The following ADGRB1 variants were observed in gnomAD, a reference collection of about 807,000 sequenced individuals.
ADGRB1 encodes adhesion G protein-coupled receptor B1, also known as brain-specific angiogenesis inhibitor 1.
Under a neutral mutation model 175.7 loss-of-function variants are expected in ADGRB1, and 36 were observed. That is an observed-to-expected ratio of 0.20 (90% CI 0.16 to 0.27). The LOEUF (loss-of-function observed/expected upper bound fraction) is 0.27. Among genes scored for constraint, ADGRB1 ranks in the 10% least tolerant of loss-of-function variants. The pLI, the probability that ADGRB1 is intolerant of heterozygous loss-of-function variation, is 1.00. For missense variants in ADGRB1, 1,731 were observed against 2,255.3 expected, an observed-to-expected ratio of 0.77 and a Z score of 4.71; for synonymous variants, 1,054 against 979.4, an observed-to-expected ratio of 1.08 and a Z score of -1.42.
At chr8:142,535,971 C>A (rs929650149) in intron 25 of ADGRB1, among the ~76,000 whole-genome samples, 2 of 152,176 alleles carry the variant, frequency 1.3e-5, no homozygotes, top group Non-Finnish European at 2.9e-5. Flanking sequence ...GGACAATTCT[C>A]TCGCCCGCTT....
intron 17 of ADGRB1, among the ~76,000 whole-genome samples, chr8:142,500,623 C>A (rs891944979): frequency 6.6e-6 from 1 of 151,960 alleles, no homozygotes; most frequent in African/African-American, 2.4e-5. Flanking sequence ...TTCATCAAAG[C>A]CCCACCTTCC....
At chr8:142,490,361 G>C (rs1170077053) in intron 16 of ADGRB1, among the ~76,000 whole-genome samples, 4 of 152,206 alleles carry the variant, frequency 2.6e-5, no homozygotes, top group African/African-American at 9.6e-5. Context: ...TGTGTCCCAG[G>C]AATGCTAGCA....
intron 19 of ADGRB1, among the ~76,000 whole-genome samples, chr8:142,518,956 C>T (rs906113884): frequency 6.6e-6 from 1 of 152,180 alleles, no homozygotes; most frequent in African/African-American, 2.4e-5. Flanking sequence ...GAACTGACTG[C>T]CTGTCTGCTG....
intron 2 of ADGRB1, among the ~76,000 whole-genome samples, chr8:142,468,974 C>CA (rs1840432200): frequency 6.6e-6 from 1 of 152,172 alleles, no homozygotes; most frequent in Admixed American, 6.5e-5. Flanking sequence ...AGCAGGCACT[C>CA]AGTCAGTCCA....
chr8:142,535,534 G>T (rs1844873843), intron 25 of ADGRB1, among the ~76,000 whole-genome samples: 1 of 152,204 alleles, frequency 6.6e-6, no homozygotes, highest in African/African-American at 2.4e-5. Context: ...CAGCCTCGGG[G>T]GTGGTGGCCA....
rs746417348 is a variant in ADGRB1, at chr8:142,518,176, C to T, written c.2856C>T (p.Ile952=). 1.7e-5 allele frequency: 27 copies of T among 1,613,694 alleles called. No individual in the cohort carries two copies. Among genetic ancestry groups the T allele is most frequent in the Admixed American group, 1.2e-4 (7 of 59,998 alleles). The change falls in exon 19 of 31, where the codon ATC becomes ATT. Residue 952 remains isoleucine, a synonymous_variant. Coordinates refer to ENST00000517894, the MANE Select transcript of ADGRB1 (RefSeq NM_001702.3). Reference sequence around the variant, plus strand: ...CGACTCTGCCGTCGGTGACGCTCATCGTGGGCTGTGGCGTGTCCTCTCTCA... The same window carrying T: ...CGACTCTGCCGTCGGTGACGCTCATTGTGGGCTGTGGCGTGTCCTCTCTCA... The part of the protein sequence containing the change: ...EKATLPSVTL[I]VGCGVSSLTL...
At chr8:142,471,533 C>T (rs969466167) in intron 2 of ADGRB1, among the ~76,000 whole-genome samples, 3 of 152,230 alleles carry the variant, frequency 2.0e-5, no homozygotes, top group African/African-American at 4.8e-5. Flanking sequence ...AAGGAAGCAA[C>T]AAGACTCGGC....
intron 24 of ADGRB1, among the ~76,000 whole-genome samples, chr8:142,531,859 CTG>C (rs1297124011): frequency 6.6e-6 from 1 of 152,156 alleles, no homozygotes; most frequent in Non-Finnish European, 1.5e-5. Flanking sequence ...CTGGCTGTGC[CTG>C]CTGAGAGGTC....
Position 142,489,369 on chromosome 8 carries a change from C to A in ADGRB1, c.2562C>A (p.Ser854=), listed in dbSNP as rs374535810. The A allele has an allele frequency of 1.2e-5, 19 of 1,612,960 alleles. No individual in the cohort carries two copies. Among genetic ancestry groups the A allele is most frequent in the Non-Finnish European group, 1.5e-5 (18 of 1,179,828 alleles). ...CCGTCCTGAATTCTAAGGTGATCTC[C>A]GTGACTGTGAAACCCCCGCCTCGCT... ...NTTVLNSKVI[S]VTVKPPPRSL... The change falls in exon 16 of 31, where the codon TCC becomes TCA. Residue 854 remains serine, a synonymous_variant. Coordinates refer to ENST00000517894, the MANE Select transcript of ADGRB1 (RefSeq NM_001702.3).
At chr8:142,472,310 T>G (rs1326095517) in intron 2 of ADGRB1, among the ~76,000 whole-genome samples, 1 of 152,204 alleles carries the variant, frequency 6.6e-6, no homozygotes, top group Admixed American at 6.5e-5. Flanking sequence ...GTGGCCAGGC[T>G]GCCTGGGGCC....
chr8:142,511,522 C>A lies in ADGRB1; in HGVS notation c.2817+449C>A, dbSNP rs777011415. 3.7e-4 allele frequency among the ~76,000 whole-genome samples: 57 copies of A among 152,184 alleles called. No individual in the cohort carries two copies. The highest frequency in any genetic ancestry group is 7.4e-4 in the Non-Finnish European group (50 of 67,998). On this transcript the variant is annotated intron_variant, in intron 18 of 30. Coordinates refer to ENST00000517894, the MANE Select transcript of ADGRB1 (RefSeq NM_001702.3). This position sits in a 1 kb window ranked among gnomAD's most constrained non-coding sequence, Gnocchi z 4.5. ...CCTTGGCAGAGCCCTTCGACCCACC[C>A]CAAGTAGAGCCTGGTCCGTGGAGGA...
intron 11 of ADGRB1, among the ~76,000 whole-genome samples, chr8:142,483,379 ACCC>A (rs1841481958): frequency 1.1e-5 from 1 of 92,038 alleles, no homozygotes; most frequent in African/African-American, 6.1e-5. Flanking sequence ...CTGAGCCCTG[ACCC>A]TGGTCACACC....
chr8:142,483,896 C>A, intron 11 of ADGRB1, 81 bp from the exon 12 acceptor site: 1 of 1,482,604 alleles, frequency 6.7e-7, no homozygotes, highest in Non-Finnish European at 9.4e-7. Flanking sequence ...TGGTCACACA[C>A]TGAATCCTGA....
chr8:142,523,044 G>A (rs1007155965), intron 22 of ADGRB1, among the ~76,000 whole-genome samples: 6 of 152,262 alleles, frequency 3.9e-5, no homozygotes, highest in African/African-American at 1.2e-4. Context: ...TCTGTACGGT[G>A]CTGGTGAGAG....
chr8:142,522,882 C>G (rs1843933990), intron 22 of ADGRB1, among the ~76,000 whole-genome samples, 172 bp downstream of exon 22: 1 of 152,214 alleles, frequency 6.6e-6, no homozygotes. Context: ...CTTGGGCATC[C>G]CCTCCCTGTT....
At position 142,537,154 on chromosome 8, in the gene ADGRB1, C is replaced by G; in HGVS notation, c.3666+72C>G. On this transcript the variant is annotated intron_variant, in intron 26 of 30. Coordinates refer to ENST00000517894, the MANE Select transcript of ADGRB1 (RefSeq NM_001702.3). The surrounding 1 kb of genome is among the most constrained non-coding windows in gnomAD (Gnocchi z 4.6). ...CCCCCGCCAAGTGCCTCCAGGCCCT[C>G]ACCGTGCCCCAAGCTCCCCTAGGCC... 1 of 1,214,088 alleles carries G rather than the reference C, an allele frequency of 8.2e-7. No individual in the cohort carries two copies. The highest frequency in any genetic ancestry group is 1.1e-6 in the Non-Finnish European group (1 of 916,104). The allele number at this position is 1,214,088 out of a possible 1,614,324, so 75.2% of individuals were successfully genotyped here.
chr8:142,469,450 C>T lies in ADGRB1; in HGVS notation c.784+4468C>T, dbSNP rs548331730. Among the ~76,000 whole-genome samples the T allele has an allele frequency of 6.7e-5, 8 of 119,012 alleles. No homozygotes were observed. The East Asian group carries it at 7.9e-4, about 12-fold the overall frequency. The allele number at this position is 119,012 out of a possible 152,430, so 78.1% of individuals were successfully genotyped here. ...ACGTGTGAATGAGTGTGTGCACGTG[C>T]GTGAATGTGTGTATGCACGTGCATG... is the stretch of plus-strand genomic sequence containing the variant. On this transcript the variant is annotated intron_variant, in intron 2 of 30. Transcript: ENST00000517894.
intron 17 of ADGRB1, among the ~76,000 whole-genome samples, chr8:142,496,590 TCA>T (rs1842228662): frequency 6.6e-6 from 1 of 152,208 alleles, no homozygotes. Flanking sequence ...CAAATATCTT[TCA>T]GTCTTTTAAA....
At chr8:142,518,780 C>G (rs1164433502) in intron 19 of ADGRB1, among the ~76,000 whole-genome samples, 1 of 152,318 alleles carries the variant, frequency 6.6e-6, no homozygotes, top group African/African-American at 2.4e-5. Flanking sequence ...GGACGCGCCT[C>G]CAGGCACTCC....
Sources: gnomAD v4.1 joint callset for allele counts (sites outside exome capture counted in the v4.1 genomes callset) on GRCh38, gnomAD v4.1.1 for gene constraint, Gnocchi (gnomAD v3.1) non-coding constraint, MANE v1.5 for transcripts, NCBI Gene and HGNC (gene_info 2026-07-23, HGNC 2026-07-21) for gene names.